Variants in FHIT observed in about 807,000 individuals in gnomAD.
FHIT encodes fragile histidine triad diadenosine triphosphatase.
Under a neutral mutation model 17.9 loss-of-function variants are expected in FHIT, and 19 were observed. That is an observed-to-expected ratio of 1.06 (90% CI 0.74 to 1.56). The LOEUF (loss-of-function observed/expected upper bound fraction) is 1.56. Among genes scored for constraint, FHIT ranks in the 40% most tolerant of loss-of-function variants. The probability of loss-of-function intolerance (pLI) is 0.00; values close to 1 mark genes in which losing one functional copy is unlikely to be tolerated. For synonymous variants in FHIT, 81 were observed against 69.7 expected, an observed-to-expected ratio of 1.16 and a Z score of -0.81; for missense variants, 248 against 189.2, an observed-to-expected ratio of 1.31 and a Z score of -1.82.
At chr3:60,926,011 C>A (rs1463348520) in intron 3 of FHIT, among the ~76,000 whole-genome samples, 1 of 152,172 alleles carries the variant, frequency 6.6e-6, no homozygotes, top group Non-Finnish European at 1.5e-5. Flanking sequence ...GCTAACTACC[C>A]TAAATATATA....
intron 8 of FHIT, among the ~76,000 whole-genome samples, chr3:59,758,270 C>T (rs1349314308): frequency 6.6e-6 from 1 of 152,152 alleles, no homozygotes; most frequent in Admixed American, 6.5e-5. Flanking sequence ...GCAACTTGTA[C>T]CCATGGTCAG....
At chr3:60,966,519 C>T (rs1409767391) in intron 3 of FHIT, among the ~76,000 whole-genome samples, 4 of 152,170 alleles carry the variant, frequency 2.6e-5, no homozygotes, top group Non-Finnish European at 2.9e-5. Flanking sequence ...GCACTCCTCA[C>T]GCTGGGAGCT....
At chr3:61,232,446 T>A (rs1351010556) in intron 1 of FHIT, among the ~76,000 whole-genome samples, 4 of 152,180 alleles carry the variant, frequency 2.6e-5, no homozygotes, top group Non-Finnish European at 4.4e-5. Context: ...CTCTGTGAGA[T>A]GAAATTCTTT....
At chr3:60,658,361 C>T (rs1195845202) in intron 4 of FHIT, among the ~76,000 whole-genome samples, 1 of 152,058 alleles carries the variant, frequency 6.6e-6, no homozygotes, top group African/African-American at 2.4e-5. Flanking sequence ...TTTTCTGTCC[C>T]TCATTTCCTG....
intron 5 of FHIT, among the ~76,000 whole-genome samples, chr3:60,359,893 G>A (rs1009081805): frequency 6.6e-6 from 1 of 151,550 alleles, no homozygotes; most frequent in African/African-American, 2.4e-5. Context: ...GGGAAATGCA[G>A]GATGTAGCAG....
chr3:60,347,418 A>G (rs1050684316), intron 5 of FHIT, among the ~76,000 whole-genome samples: 5 of 152,182 alleles, frequency 3.3e-5, no homozygotes, highest in Admixed American at 2.6e-4. Flanking sequence ...GTAAGTTAAG[A>G]GACATGTTTA....
intron 8 of FHIT, among the ~76,000 whole-genome samples, chr3:59,863,427 C>T (rs1240600110): frequency 1.3e-5 from 2 of 152,222 alleles, no homozygotes; most frequent in African/African-American, 4.8e-5. Flanking sequence ...ACAACGCCTG[C>T]AACGGATAAC....
At chr3:59,868,237 T>A (rs1218063698) in intron 8 of FHIT, among the ~76,000 whole-genome samples, 1 of 152,002 alleles carries the variant, frequency 6.6e-6, no homozygotes, top group Non-Finnish European at 1.5e-5. Flanking sequence ...ACAAACACAT[T>A]TTATGGATCC....
chr3:60,922,293 C>T (rs782027409), intron 3 of FHIT, among the ~76,000 whole-genome samples: 4 of 152,130 alleles, frequency 2.6e-5, no homozygotes, highest in East Asian at 1.9e-4. Context: ...TCTCCCCATG[C>T]GGGCACCAGA....
chr3:60,363,563 G>C (rs998389524), intron 5 of FHIT, among the ~76,000 whole-genome samples: 8 of 152,122 alleles, frequency 5.3e-5, no homozygotes, highest in Non-Finnish European at 7.3e-5. Context: ...ATGTGGAGTG[G>C]TTACATCATT....
chr3:60,612,058 A>C (rs2038801906), intron 4 of FHIT, among the ~76,000 whole-genome samples: 1 of 152,128 alleles, frequency 6.6e-6, no homozygotes. Flanking sequence ...TCAATCACTG[A>C]ACTGGCCCAG....
rs552209556 is a variant in FHIT, at chr3:60,899,496, C to T, written c.-110-77485G>A. Among the ~76,000 whole-genome samples, 44 of 152,294 alleles carry T rather than the reference C, an allele frequency of 2.9e-4. No homozygotes were observed. In the Middle Eastern group the frequency reaches 0.02, roughly 71 times the overall value. ...AATATATTAAATCAAGATTAATAAACCTTTGCAGAATCCACTGGTCCTGCA... is the reference window on the plus strand; with the variant it reads ...AATATATTAAATCAAGATTAATAAATCTTTGCAGAATCCACTGGTCCTGCA... On this transcript the variant is annotated intron_variant, in intron 3 of 9. Coordinates refer to ENST00000492590, the MANE Select transcript of FHIT (RefSeq NM_002012.4).
intron 5 of FHIT, among the ~76,000 whole-genome samples, chr3:60,399,355 A>C (rs965595585): frequency 3.3e-5 from 5 of 152,020 alleles, no homozygotes; most frequent in African/African-American, 1.2e-4. Context: ...GTGTGTGAAG[A>C]CTCATTCTCC....
chr3:60,011,407 G>T lies in FHIT; in HGVS notation c.250-7C>A, dbSNP rs768350817. The T allele has an allele frequency of 7.4e-6, 12 of 1,613,224 alleles. No homozygotes were observed. The Admixed American group carries it at 2.0e-4, about 27-fold the overall frequency. ...GTCCGGCTTCGGGGCCATCCTAGAA[G>T]TAGGAAAAAACCAACAGAGGTGAGA... On this transcript the variant is annotated splice_polypyrimidine_tract_variant and splice_region_variant and intron_variant, in intron 6 of 9. Transcript: ENST00000492590.
At chr3:61,123,646 A>T (rs894317045) in intron 2 of FHIT, among the ~76,000 whole-genome samples, 1 of 152,188 alleles carries the variant, frequency 6.6e-6, no homozygotes, top group Non-Finnish European at 1.5e-5. Context: ...GGGTCTCTTT[A>T]ACCTACTTCT....
intron 3 of FHIT, among the ~76,000 whole-genome samples, chr3:60,880,562 G>C (rs1704916990): frequency 6.6e-6 from 1 of 152,168 alleles, no homozygotes; most frequent in Non-Finnish European, 1.5e-5. Flanking sequence ...GAGAAATCCT[G>C]TCTCTACTCA....
chr3:60,416,277 C>A (rs1308385947), intron 5 of FHIT, among the ~76,000 whole-genome samples: 3 of 152,088 alleles, frequency 2.0e-5, no homozygotes, highest in Admixed American at 6.5e-5. Context: ...CTCTCATAAA[C>A]CATAAATTGA....
At chr3:59,899,091 A>C (rs1199162828) in intron 8 of FHIT, among the ~76,000 whole-genome samples, 2 of 152,188 alleles carry the variant, frequency 1.3e-5, no homozygotes, top group Non-Finnish European at 2.9e-5. Flanking sequence ...TGTTCCTCCC[A>C]GCCTGGATTT....
chr3:60,367,919 G>A (rs1700173379), intron 5 of FHIT, among the ~76,000 whole-genome samples: 1 of 152,148 alleles, frequency 6.6e-6, no homozygotes, highest in South Asian at 2.1e-4. Flanking sequence ...ACACTTTGGT[G>A]TTGAACTTCT....
Sources: allele counts gnomAD v4.1 joint callset (sites outside exome capture counted in the v4.1 genomes callset), GRCh38; gene constraint gnomAD v4.1.1; transcripts MANE v1.5; gene names NCBI Gene and HGNC (gene_info 2026-07-23, HGNC 2026-07-21).